The following CDA variants were observed in gnomAD, a reference collection of about 807,000 sequenced individuals.
CDA encodes the protein cytidine aminohydrolase.
Under a neutral mutation model 15.0 loss-of-function variants are expected in CDA, and 7 were observed. That is an observed-to-expected ratio of 0.47 (90% CI 0.26 to 0.87). The LOEUF is 0.87. Ranked by LOEUF, CDA falls within the 40% of genes least tolerant of loss-of-function variation. CDA has a pLI of 0.15. For synonymous variants in CDA, 58 were observed against 73.0 expected, an observed-to-expected ratio of 0.79 and a Z score of 1.05; for missense variants, 159 against 182.7, an observed-to-expected ratio of 0.87 and a Z score of 0.75.
intron 2 of CDA, among the ~76,000 whole-genome samples, chr1:20,613,257 G>A (rs1313844075): frequency 6.6e-6 from 1 of 151,396 alleles, no homozygotes; most frequent in Admixed American, 6.6e-5. Flanking sequence ...AGGCTGGGGT[G>A]CTATGGCACG....
At chr1:20,599,668 A>G (rs1570378886) in intron 1 of CDA, among the ~76,000 whole-genome samples, 2 of 150,748 alleles carry the variant, frequency 1.3e-5, no homozygotes, top group East Asian at 3.9e-4. Flanking sequence ...AAAATAAAAT[A>G]AAAATAAAGG....
chr1:20,604,455 AATC>A (rs1167720857), intron 1 of CDA, among the ~76,000 whole-genome samples: 1 of 152,068 alleles, frequency 6.6e-6, no homozygotes, highest in Non-Finnish European at 1.5e-5. Context: ...CTCATTATCT[AATC>A]ATTCCTCCAA....
At chr1:20,600,521 C>T (rs1056633287) in intron 1 of CDA, among the ~76,000 whole-genome samples, 1 of 151,936 alleles carries the variant, frequency 6.6e-6, no homozygotes, top group Non-Finnish European at 1.5e-5. Flanking sequence ...TTTGGGAGGC[C>T]GAGCTGGGCG....
At chr1:20,602,424 T>A (rs1043562505) in intron 1 of CDA, among the ~76,000 whole-genome samples, 65 of 152,148 alleles carry the variant, frequency 4.3e-4, no homozygotes, top group African/African-American at 1.4e-3. Flanking sequence ...CATGGTTTTT[T>A]TTTTTTCGTT....
At chr1:20,595,288 C>A (rs969083133) in intron 1 of CDA, among the ~76,000 whole-genome samples, 8 of 152,158 alleles carry the variant, frequency 5.3e-5, no homozygotes, top group African/African-American at 1.9e-4. Context: ...GTTAAGTAAC[C>A]ACTGAATCCA....
Position 20,618,621 on chromosome 1 carries a change from A to T in CDA, c.*53A>T, listed in dbSNP as rs1292201184. On this transcript the variant is annotated 3_prime_UTR_variant, in exon 4 of 4. Coordinates refer to ENST00000375071, the MANE Select transcript of CDA (RefSeq NM_001785.3). ...CAGCCACCTGGAGAACTTCATAAAG[A>T]TGTCTCACAGCCCTGGGGACACCTG... 2 of 1,085,050 alleles carry T rather than the reference A, an allele frequency of 1.8e-6. No homozygotes were observed. The highest frequency in any genetic ancestry group is 3.1e-5 in the African/African-American group (2 of 64,882). The allele number at this position is 1,085,050 out of a possible 1,614,324, so 67.2% of individuals were successfully genotyped here.
intron 2 of CDA, among the ~76,000 whole-genome samples, chr1:20,608,153 T>G (rs1433243801): frequency 6.6e-6 from 1 of 152,124 alleles, no homozygotes; most frequent in African/African-American, 2.4e-5. Flanking sequence ...AGCCAGCAGG[T>G]GCTCAGTCTT....
chr1:20,595,145 G>A (rs1007661022), intron 1 of CDA, among the ~76,000 whole-genome samples: 1 of 152,182 alleles, frequency 6.6e-6, no homozygotes, highest in Non-Finnish European at 1.5e-5. Context: ...CCTTAGGACA[G>A]TGGTCTCTCT....
chr1:20,615,514 C>T (rs964026899), intron 3 of CDA, among the ~76,000 whole-genome samples: 7 of 141,688 alleles, frequency 4.9e-5, no homozygotes, highest in African/African-American at 7.8e-5. Flanking sequence ...AAAATGAAAA[C>T]GAAGGGATAG....
chr1:20,604,813 C>G, intron 1 of CDA, 115 bp from the exon 2 acceptor site: 1 of 747,284 alleles, frequency 1.3e-6, no homozygotes, highest in Admixed American at 2.0e-5. Context: ...TTCTCCCCAC[C>G]TTGTTTGGAG....
intron 1 of CDA, among the ~76,000 whole-genome samples, chr1:20,600,869 C>T (rs2052637860): frequency 6.6e-6 from 1 of 151,984 alleles, no homozygotes; most frequent in Non-Finnish European, 1.5e-5. Context: ...ATACATTCAA[C>T]TTTCATTGAC....
At chr1:20,595,842 C>CAA (rs1195136238) in intron 1 of CDA, among the ~76,000 whole-genome samples, 9,727 of 72,762 alleles carry the variant, frequency 0.13, 679 homozygotes, top group African/African-American at 0.22. Flanking sequence ...AAGACTCTCT[C>CAA]AAAAAAAAAA....
At chr1:20,589,551 A>G (rs2052529728) in intron 1 of CDA, among the ~76,000 whole-genome samples, 1 of 152,166 alleles carries the variant, frequency 6.6e-6, no homozygotes, top group Admixed American at 6.5e-5. Context: ...CCATAAATCA[A>G]AAACATCAAC....
chr1:20,618,004 CTT>C (rs2052833052), intron 3 of CDA, among the ~76,000 whole-genome samples: 1 of 151,956 alleles, frequency 6.6e-6, no homozygotes, highest in Non-Finnish European at 1.5e-5. Context: ...GCCTAAACCT[CTT>C]TTCTTTATAA....
At chr1:20,590,359 G>T (rs1044455676) in intron 1 of CDA, among the ~76,000 whole-genome samples, 1 of 152,170 alleles carries the variant, frequency 6.6e-6, no homozygotes, top group African/African-American at 2.4e-5. Flanking sequence ...GTTGCTCTGT[G>T]GGGAGTGAAG....
At chr1:20,603,181 T>C (rs2052662997) in intron 1 of CDA, among the ~76,000 whole-genome samples, 1 of 152,242 alleles carries the variant, frequency 6.6e-6, no homozygotes, top group Admixed American at 6.5e-5. Context: ...TCACATACTT[T>C]AGATTTTTTT....
At chr1:20,616,703 A>T (rs1370721601) in intron 3 of CDA, among the ~76,000 whole-genome samples, 1 of 152,084 alleles carries the variant, frequency 6.6e-6, no homozygotes, top group Non-Finnish European at 1.5e-5. Context: ...CAGGGGGGAA[A>T]CTGAAACCAA....
intron 1 of CDA, among the ~76,000 whole-genome samples, chr1:20,603,859 A>C (rs1335520312): frequency 6.6e-6 from 1 of 152,084 alleles, no homozygotes; most frequent in African/African-American, 2.4e-5. Context: ...TTATGCCAAC[A>C]TCTTGCCTCC....
At chr1:20,604,032 G>A (rs1223254674) in intron 1 of CDA, among the ~76,000 whole-genome samples, 1 of 138,788 alleles carries the variant, frequency 7.2e-6, no homozygotes, top group African/African-American at 2.5e-5. Context: ...CACAAAGCTC[G>A]AGGTGTTTTT....
Sources: gnomAD v4.1 joint callset for allele counts (sites outside exome capture counted in the v4.1 genomes callset) on GRCh38, gnomAD v4.1.1 for gene constraint, MANE v1.5 for transcripts, NCBI Gene and HGNC (gene_info 2026-07-23, HGNC 2026-07-21) for gene names.